The following TMEM143 variants were observed in gnomAD, a reference collection of about 807,000 sequenced individuals.
TMEM143 encodes the protein transmembrane protein 143.
TMEM143 carries 45 observed loss-of-function variants against 40.3 expected under a neutral mutation model. That is an observed-to-expected ratio of 1.12 (90% confidence interval 0.88 to 1.43). TMEM143 has a LOEUF of 1.43. TMEM143 is among the 40% of genes most tolerant of loss of function. The pLI is 0.00. For synonymous variants in TMEM143, 299 were observed against 282.7 expected, an observed-to-expected ratio of 1.06 and a Z score of -0.58; for missense variants, 620 against 613.4, an observed-to-expected ratio of 1.01 and a Z score of -0.11.
At chr19:48,348,524 G>A (rs1359413064) in intron 3 of TMEM143, among the ~76,000 whole-genome samples, 2 of 152,136 alleles carry the variant, frequency 1.3e-5, no homozygotes, top group Admixed American at 6.6e-5. Flanking sequence ...ACAGCTTCCA[G>A]GGAGATCTCG....
rs904520753 is a variant in TMEM143 at position 48,363,884 on chromosome 19, G to A, written c.23+14C>T. 4 of 1,613,802 alleles carry A rather than the reference G, an allele frequency of 2.5e-6. No homozygotes were observed. The African/African-American group carries it at 4.0e-5, about 16-fold the overall frequency. On this transcript the variant is annotated intron_variant, in intron 1 of 7. Coordinates refer to ENST00000293261, the MANE Select transcript of TMEM143 (RefSeq NM_018273.4). ...GCCCTCCCTGGCCATGCAATCCCCC[G>A]ATTTCTCCCTCACCTTAGCCAAAGC...
In TMEM143 at chr19:48,333,871, T is replaced by C; in HGVS notation, c.1165+137A>G. The stretch of plus-strand genomic sequence containing the variant: ...GATCGGAGTCTGGATTCGGAGGTCC[T>C]GTCTGCTGAGGGCCGGGGTCTCTTC... On this transcript the variant is annotated intron_variant, in intron 7 of 7. Transcript: ENST00000293261. This position sits in a 1 kb window ranked among gnomAD's most constrained non-coding sequence, Gnocchi z 4.1. 1.1e-6 allele frequency: 1 copy of C among 918,788 alleles called. No homozygotes were observed. The highest frequency in any genetic ancestry group is 1.6e-6 in the Non-Finnish European group (1 of 629,820). 56.9% of individuals were successfully genotyped at this position (918,788 alleles called of 1,614,324 possible).
At chr19:48,346,356 T>G (rs1969632454) in intron 3 of TMEM143, among the ~76,000 whole-genome samples, 1 of 151,952 alleles carries the variant, frequency 6.6e-6, no homozygotes, top group Admixed American at 6.6e-5. Flanking sequence ...CCTCCCAAAG[T>G]GAGATTACAG....
chr19:48,344,576 C>T (rs1969579814), intron 4 of TMEM143, among the ~76,000 whole-genome samples: 2 of 152,190 alleles, frequency 1.3e-5, no homozygotes, highest in South Asian at 4.1e-4. Context: ...GAATGAGCCA[C>T]TGAACCCGGC....
Position 48,346,707 on chromosome 19 carries a change from A to G in TMEM143, c.370-1353T>C, listed in dbSNP as rs147437722. 5.4e-3 allele frequency among the ~76,000 whole-genome samples: 827 copies of G among 152,048 alleles called. 7 individuals carry two copies. Among genetic ancestry groups the G allele is most frequent in the African/African-American group, 0.019 (791 of 41,476 alleles). ...ATTCTCCTGCCTCAGCCTCCCGAGT[A>G]GCTGGGACTACAGGTGCCCACCACC... On this transcript the variant is annotated intron_variant, in intron 3 of 7. Transcript: ENST00000293261.
chr19:48,334,424 TTCTTTCTTTC>T (rs1287320129), intron 6 of TMEM143, among the ~76,000 whole-genome samples: 2 of 30,944 alleles, frequency 6.5e-5, no homozygotes, highest in Non-Finnish European at 1.3e-4. Flanking sequence ...CTCTCTTTCT[TTCTTTCTTTC>T]TTTCTTTCTT....
intron 3 of TMEM143, among the ~76,000 whole-genome samples, chr19:48,354,757 C>G (rs1349055363): frequency 6.6e-6 from 1 of 152,064 alleles, no homozygotes. Context: ...GAGAGGTCAC[C>G]CGCCAAGGTC....
intron 2 of TMEM143, among the ~76,000 whole-genome samples, chr19:48,362,419 G>A (rs973955349): frequency 3.3e-5 from 5 of 152,138 alleles, no homozygotes; most frequent in South Asian, 2.1e-4. Context: ...CAGCCTCTCG[G>A]GGGCTGAGGA....
Position 48,360,110 on chromosome 19 carries a change from T to C in TMEM143, c.331A>G (p.Thr111Ala). 6.2e-7 allele frequency: 1 copy of C among 1,614,078 alleles called. No homozygotes were observed. ...EAFSAHVDFCTLFHYHQILAR... is the reference protein window; with the variant it reads ...EAFSAHVDFCALFHYHQILAR... ...AGGATTTGGTGGTAGTGGAACAGGG[T>C]GCAGAAGTCCACGTGGGCCGAGAAC... Residue 111 changes from threonine (T) to alanine (A), a missense_variant, in exon 3 of 8, where the codon ACC becomes GCC. Physicochemically the swap from Thr to Ala is moderately conservative, Grantham distance 58 (BLOSUM62 0). Transcript: ENST00000293261.
intron 3 of TMEM143, among the ~76,000 whole-genome samples, chr19:48,347,296 G>A (rs1415090627): frequency 2.0e-5 from 3 of 152,176 alleles, no homozygotes. Flanking sequence ...GGCCAGGTGC[G>A]ATTCTGAATT....
At chr19:48,339,459 C>T (rs986675182) in intron 6 of TMEM143, among the ~76,000 whole-genome samples, 12 of 152,192 alleles carry the variant, frequency 7.9e-5, no homozygotes, top group Admixed American at 2.0e-4. Flanking sequence ...CCTTGCTCCC[C>T]GCACCCCTTA....
chr19:48,350,061 C>T (rs570242805), intron 3 of TMEM143, among the ~76,000 whole-genome samples: 6 of 131,542 alleles, frequency 4.6e-5, no homozygotes, highest in Non-Finnish European at 7.7e-5. Context: ...AGTGCAATGG[C>T]GCAATCTTGA....
At chr19:48,363,786 G>A (rs977548602) in intron 1 of TMEM143, 112 bp downstream of exon 1, 10 of 1,556,184 alleles carry the variant, frequency 6.4e-6, no homozygotes, top group East Asian at 4.5e-5. Flanking sequence ...ACGTTTCTTT[G>A]GGGTCTAGAC....
chr19:48,363,707 TC>T lies in TMEM143; in HGVS notation c.24-177del, dbSNP rs1221504489. The T allele has an allele frequency of 6.6e-6, 9 of 1,363,198 alleles. No homozygotes were observed. In the Admixed American group the frequency reaches 2.0e-4, roughly 30 times the overall value. The allele number at this position is 1,363,198 out of a possible 1,614,324, so 84.4% of individuals were successfully genotyped here. A position where few individuals can be genotyped will look rare whatever the true frequency, so the allele number is the denominator to read the frequency against. On this transcript the variant is annotated intron_variant, in intron 1 of 7. Coordinates refer to ENST00000293261, the MANE Select transcript of TMEM143 (RefSeq NM_018273.4). ...TCCCACACTGCTCAGTTGGCCTGGG[TC>T]CCAGACAGGGGTCAGAGGTCTTAGG...
chr19:48,336,428 G>A (rs1237191181), intron 6 of TMEM143, among the ~76,000 whole-genome samples: 1 of 152,162 alleles, frequency 6.6e-6, no homozygotes, highest in Non-Finnish European at 1.5e-5. Context: ...GGGAGGCTGA[G>A]GCAGGAGAGT....
rs2147349282 is a variant in TMEM143 at position 48,332,828 on chromosome 19, CAAT to C, written c.*388_*390del. ...TTTGCCCGGAGCGGGCTGAAAAAGA[CAAT>C]GATATATAGTCTCGGGAGGGCGCAG... On this transcript the variant is annotated 3_prime_UTR_variant, in exon 8 of 8. Transcript: ENST00000293261. 6.2e-6 allele frequency: 1 copy of C among 161,396 alleles called. No homozygotes were observed. The highest frequency in any genetic ancestry group is 2.4e-5 in the African/African-American group (1 of 41,928). The allele number at this position is 161,396 out of a possible 1,614,324, so 10.0% of individuals were successfully genotyped here. A position where few individuals can be genotyped will look rare whatever the true frequency, so the allele number is the denominator to read the frequency against.
intron 4 of TMEM143, 106 bp from the exon 5 acceptor site, chr19:48,343,557 C>T: frequency 7.1e-7 from 1 of 1,407,618 alleles, no homozygotes; most frequent in South Asian, 1.4e-5. Flanking sequence ...CCCCGTTTCC[C>T]ACTTATCCCC....
chr19:48,342,667 G>C lies in TMEM143; in HGVS notation c.838C>G (p.Leu280Val). ...GAGACTACCAGCATGAGGTTGAGCA[G>C]GGCGCGCTGCAGGGTGGGCGTGCGC... ...KVRTPTLQRA[L>V]LNLMLVVSGV... Residue 280 changes from leucine (L) to valine (V), a missense_variant, in exon 6 of 8, where the codon CTG (leucine) becomes GTG (valine). Leu to Val is a conservative substitution (Grantham distance 32). Transcript: ENST00000293261. 1 of 1,614,140 alleles carries C rather than the reference G, an allele frequency of 6.2e-7. No homozygotes were observed. Among genetic ancestry groups the C allele is most frequent in the Non-Finnish European group, 8.5e-7 (1 of 1,180,008 alleles).
Position 48,333,101 on chromosome 19 carries a change from C to G in TMEM143, c.*118G>C. The G allele has an allele frequency of 1.2e-6, 1 of 817,898 alleles. No individual in the cohort carries two copies. The highest frequency in any genetic ancestry group is 1.7e-6 in the Non-Finnish European group (1 of 573,504). The allele number at this position is 817,898 out of a possible 1,614,324, so 50.7% of individuals were successfully genotyped here. Reference sequence around the variant, plus strand: ...AAGCACACAGTGCAGCAAAAATAATCACCTGTCAGTTATTGGAAGTTGGAG... The same window carrying G: ...AAGCACACAGTGCAGCAAAAATAATGACCTGTCAGTTATTGGAAGTTGGAG... On this transcript the variant is annotated 3_prime_UTR_variant, in exon 8 of 8. Transcript: ENST00000293261. The surrounding 1 kb of genome is among the most constrained non-coding windows in gnomAD (Gnocchi z 4.1).
Sources: gnomAD v4.1 joint callset for allele counts (sites outside exome capture counted in the v4.1 genomes callset) on GRCh38, gnomAD v4.1.1 for gene constraint, Gnocchi (gnomAD v3.1) non-coding constraint, MANE v1.5 for transcripts, NCBI Gene and HGNC (gene_info 2026-07-23, HGNC 2026-07-21) for gene names.